The following CREB5 variants were observed in gnomAD, a reference collection of about 807,000 sequenced individuals.
The protein encoded by CREB5 is cAMP responsive element binding protein 5.
Under a neutral mutation model 57.1 loss-of-function variants are expected in CREB5, and 19 were observed. The observed-to-expected ratio is 0.33, with a 90% confidence interval of 0.23 to 0.49. CREB5 has a LOEUF of 0.49. CREB5 is among the 20% of genes least tolerant of loss of function. The pLI, the probability that CREB5 is intolerant of heterozygous loss-of-function variation, is 0.99. For missense variants in CREB5, 579 were observed against 671.6 expected (o/e 0.86, Z 1.52); for synonymous variants, 238 against 238.3 (o/e 1.00, Z 0.01).
intron 5 of CREB5, among the ~76,000 whole-genome samples, chr7:28,623,108 C>T (rs1347008266): frequency 1.3e-5 from 2 of 152,134 alleles, no homozygotes; most frequent in African/African-American, 4.8e-5. Flanking sequence ...GTCTTGAACT[C>T]CTGACCTCAG....
At chr7:28,657,665 G>A (rs1028138349) in intron 5 of CREB5, among the ~76,000 whole-genome samples, 7 of 145,990 alleles carry the variant, frequency 4.8e-5, no homozygotes, top group South Asian at 2.1e-4. Flanking sequence ...TGCAGTGAGC[G>A]GAGATCGTGC....
intron 4 of CREB5, among the ~76,000 whole-genome samples, chr7:28,527,776 T>A (rs1247458535): frequency 1.3e-5 from 2 of 152,148 alleles, no homozygotes; most frequent in Non-Finnish European, 2.9e-5. Flanking sequence ...TTTGATTGCA[T>A]CATTGCACTC....
chr7:28,718,522 A>C (rs1421390410), intron 5 of CREB5, among the ~76,000 whole-genome samples: 2 of 152,230 alleles, frequency 1.3e-5, no homozygotes, highest in Non-Finnish European at 2.9e-5. Context: ...GTTAGATAAC[A>C]GAGGTCAGGA....
intron 1 of CREB5, among the ~76,000 whole-genome samples, chr7:28,368,133 A>G (rs545289442): frequency 1.4e-4 from 21 of 152,340 alleles, no homozygotes; most frequent in Admixed American, 2.6e-4. Flanking sequence ...TTAAGTGAAG[A>G]AACTCAGGAA....
intron 7 of CREB5, among the ~76,000 whole-genome samples, chr7:28,784,598 C>A (rs1807200804): frequency 6.6e-6 from 1 of 152,048 alleles, no homozygotes. Context: ...GATCCTTAAG[C>A]CCCAGCACGG....
At chr7:28,443,463 T>A (rs1789290790) in intron 1 of CREB5, among the ~76,000 whole-genome samples, 2 of 152,168 alleles carry the variant, frequency 1.3e-5, no homozygotes, top group African/African-American at 4.8e-5. Flanking sequence ...TGCAAACATA[T>A]TTGAAAAAAT....
At chr7:28,468,912 A>G (rs1181130247) in intron 1 of CREB5, among the ~76,000 whole-genome samples, 4 of 152,242 alleles carry the variant, frequency 2.6e-5, no homozygotes, top group Non-Finnish European at 5.9e-5. Flanking sequence ...TAATGTAAAG[A>G]GCAGACAGAT....
At chr7:28,655,921 A>G (rs894941475) in intron 5 of CREB5, among the ~76,000 whole-genome samples, 1 of 152,224 alleles carries the variant, frequency 6.6e-6, no homozygotes, top group African/African-American at 2.4e-5. Context: ...CAGGAATAAC[A>G]GGATTTAATT....
At chr7:28,487,458 TA>T (rs1791612421) in intron 1 of CREB5, among the ~76,000 whole-genome samples, 2 of 152,360 alleles carry the variant, frequency 1.3e-5, no homozygotes, top group South Asian at 4.1e-4. Flanking sequence ...AATCTGCTGT[TA>T]ATTTCAAGTC....
chr7:28,452,425 C>A (rs1789867889), intron 1 of CREB5, among the ~76,000 whole-genome samples: 1 of 151,968 alleles, frequency 6.6e-6, no homozygotes, highest in Admixed American at 6.6e-5. Flanking sequence ...TGTAATATAA[C>A]AAAGAAATAA....
At chr7:28,325,242 G>GTCAGGAGA (rs1405211428) in intron 1 of CREB5, among the ~76,000 whole-genome samples, 23 of 152,294 alleles carry the variant, frequency 1.5e-4, no homozygotes, top group African/African-American at 4.3e-4. Flanking sequence ...GGATCACAAG[G>GTCAGGAGA]TCAGGAGATC....
chr7:28,655,457 A>T (rs1226821602), intron 5 of CREB5, among the ~76,000 whole-genome samples: 3 of 152,040 alleles, frequency 2.0e-5, no homozygotes, highest in Non-Finnish European at 1.5e-5. Flanking sequence ...AAATAAATTT[A>T]AAAATTAGCC....
chr7:28,720,968 G>A (rs564137798), intron 6 of CREB5, among the ~76,000 whole-genome samples: 33 of 152,244 alleles, frequency 2.2e-4, no homozygotes, highest in Middle Eastern at 3.4e-3. Context: ...AGAGAAACCA[G>A]TTTCTACCAC....
intron 5 of CREB5, among the ~76,000 whole-genome samples, chr7:28,669,838 T>A (rs1799960279): frequency 6.6e-6 from 1 of 152,202 alleles, no homozygotes; most frequent in African/African-American, 2.4e-5. Context: ...CGTCGTCCTG[T>A]GCCCTGCCAT....
At chr7:28,330,618 G>A (rs1364182499) in intron 1 of CREB5, among the ~76,000 whole-genome samples, 2 of 142,456 alleles carry the variant, frequency 1.4e-5, no homozygotes, top group Admixed American at 7.0e-5. Context: ...TAGTGAAAGT[G>A]AAGCAGCAAA....
At chr7:28,625,940 G>T (rs1797982812) in intron 5 of CREB5, among the ~76,000 whole-genome samples, 1 of 152,086 alleles carries the variant, frequency 6.6e-6, no homozygotes, top group Non-Finnish European at 1.5e-5. Context: ...CTTTTAAAAA[G>T]GTATCTAAGT....
intron 5 of CREB5, among the ~76,000 whole-genome samples, chr7:28,579,115 C>T (rs1796020430): frequency 6.6e-6 from 1 of 152,096 alleles, no homozygotes; most frequent in African/African-American, 2.4e-5. Flanking sequence ...TTGCTGGGGG[C>T]CTGACTTTTC....
intron 5 of CREB5, among the ~76,000 whole-genome samples, chr7:28,626,583 C>T (rs1218581261): frequency 6.6e-6 from 1 of 152,132 alleles, no homozygotes; most frequent in Admixed American, 6.5e-5. Context: ...CTTAACCCCT[C>T]CCCTCTGTTG....
At chr7:28,676,474 A>T (rs563536601) in intron 5 of CREB5, among the ~76,000 whole-genome samples, 3 of 152,200 alleles carry the variant, frequency 2.0e-5, no homozygotes, top group Non-Finnish European at 4.4e-5. Flanking sequence ...GATGACTCAC[A>T]GGTCGCGATC....
Sources: allele counts gnomAD v4.1 joint callset (sites outside exome capture counted in the v4.1 genomes callset), GRCh38; gene constraint gnomAD v4.1.1; transcripts MANE v1.5; gene names NCBI Gene and HGNC (gene_info 2026-07-23, HGNC 2026-07-21).